CRISP2: variants seen among roughly 807,000 people sequenced by gnomAD.
CRISP2 encodes cysteine-rich secretory protein 2.
In CRISP2, 29 loss-of-function variants were observed where a neutral mutation model predicts 31.7. The ratio of observed to expected loss-of-function variants is 0.92; its 90% confidence interval spans 0.68 to 1.25. The LOEUF (loss-of-function observed/expected upper bound fraction) is 1.25. Among genes scored for constraint, CRISP2 ranks in the 50% most tolerant of loss-of-function variants. The probability of loss-of-function intolerance (pLI) is 0.00; values close to 1 mark genes in which losing one functional copy is unlikely to be tolerated. For missense variants in CRISP2, 318 were observed against 286.5 expected (o/e 1.11, Z -0.79); for synonymous variants, 111 against 101.4 (o/e 1.09, Z -0.57).
At chr6:49,705,359 C>T (rs1156618220) in intron 4 of CRISP2, among the ~76,000 whole-genome samples, 1 of 152,092 alleles carries the variant, frequency 6.6e-6, no homozygotes, top group East Asian at 1.9e-4. Context: ...CCCTGCTGTG[C>T]TCCCTCAATG....
chr6:49,700,582 C>A, intron 5 of CRISP2, 86 bp downstream of exon 5: 1 of 776,624 alleles, frequency 1.3e-6, no homozygotes. Context: ...TTGTAAACCA[C>A]AAAGTTCTTA....
At chr6:49,690,795 A>G (rs1163412710), downstream of CRISP2, among the ~76,000 whole-genome samples, 1 of 152,084 alleles carries the variant, frequency 6.6e-6, no homozygotes, top group African/African-American at 2.4e-5. Context: ...AGAATTTACT[A>G]TTATTATTGT....
chr6:49,680,157 C>G, the CRISP2 span, among the ~76,000 whole-genome samples: 1 of 152,156 alleles, frequency 6.6e-6, no homozygotes, highest in East Asian at 1.9e-4. Flanking sequence ...CCTGCATCCT[C>G]CACCCTCTGA....
chr6:49,706,217 T>G (rs1312582724), intron 4 of CRISP2, among the ~76,000 whole-genome samples: 1 of 152,238 alleles, frequency 6.6e-6, no homozygotes, highest in Non-Finnish European at 1.5e-5. Flanking sequence ...ATGATTCATC[T>G]TAAATTTTAT....
At position 49,697,925 on chromosome 6, in the gene CRISP2, A is replaced by G. The variant is rs1425804926; in HGVS notation, c.450T>C (p.Cys150=). ...LVWYSTYQVG[C]GIAYCPNQDS... The stretch of plus-strand genomic sequence containing the variant: ...CTTGATTGGGACAGTAGGCAATTCC[A>G]CAGCCTACCTGGTAAGTCGAGTACC... Residue 150 remains cysteine, a synonymous_variant, in exon 8 of 10, where the codon TGT becomes TGC. Transcript: ENST00000339139. The G allele has an allele frequency of 1.9e-6, 3 of 1,609,676 alleles. No homozygotes were observed. The highest frequency in any genetic ancestry group is 2.5e-6 in the Non-Finnish European group (3 of 1,178,096).
In CRISP2 at chr6:49,698,478, A is replaced by G; in HGVS notation, c.301T>C (p.Ser101Pro). The change falls in exon 7 of 10, where the codon TCA (serine) becomes CCA (proline). Residue 101 changes from serine (S) to proline (P), a missense_variant. Transcript: ENST00000339139. ...STRCGENLYM[S>P]SDPTSWSSAI... The stretch of plus-strand genomic sequence containing the variant: ...GAAGACCAGGAAGTAGGGTCACTTG[A>G]CATATAGAGATTCTCACCACATCTT... 6.2e-7 allele frequency: 1 copy of G among 1,611,964 alleles called. No individual in the cohort carries two copies. The highest frequency in any genetic ancestry group is 8.5e-7 in the Non-Finnish European group (1 of 1,179,238).
At chr6:49,677,804 A>G in the CRISP2 span, among the ~76,000 whole-genome samples, 3 of 152,174 alleles carry the variant, frequency 2.0e-5, no homozygotes, top group African/African-American at 7.2e-5. Context: ...GAAAGCCTGA[A>G]AGACAATTTT....
Position 49,698,408 on chromosome 6 carries a change from C to G in CRISP2, c.371G>C (p.Gly124Ala). ...WYDEILDFVY[G>A]VGPKSPNAVV... Reference sequence around the variant, plus strand: ...TGCATTGGGACTCTTTGGTCCTACACCATAGACAAAATCTAGGATCTCGTC... The same window carrying G: ...TGCATTGGGACTCTTTGGTCCTACAGCATAGACAAAATCTAGGATCTCGTC... The change falls in exon 7 of 10, where the codon GGT becomes GCT. Residue 124 changes from glycine to alanine, a missense_variant. By Grantham distance (60) the Gly-to-Ala change is moderately conservative. Coordinates refer to ENST00000339139, the MANE Select transcript of CRISP2 (RefSeq NM_003296.4). 6.2e-7 allele frequency: 1 copy of G among 1,613,490 alleles called. No homozygotes were observed. The highest frequency in any genetic ancestry group is 8.5e-7 in the Non-Finnish European group (1 of 1,179,636).
the CRISP2 span, among the ~76,000 whole-genome samples, chr6:49,686,183 T>C: frequency 6.6e-6 from 1 of 152,246 alleles, no homozygotes; most frequent in Non-Finnish European, 1.5e-5. Context: ...GATACGTCCA[T>C]ATCAGCTCAT....
At chr6:49,703,462 G>A (rs1766466095) in intron 4 of CRISP2, among the ~76,000 whole-genome samples, 1 of 152,056 alleles carries the variant, frequency 6.6e-6, no homozygotes, top group Non-Finnish European at 1.5e-5. Flanking sequence ...CATGGGATGT[G>A]TTTCCATTTG....
chr6:49,698,578 A>G, intron 6 of CRISP2, 71 bp from the exon 7 acceptor site: 1 of 1,500,778 alleles, frequency 6.7e-7, no homozygotes, highest in South Asian at 1.3e-5. Context: ...ACACAAACAC[A>G]AAGATGTTGC....
In CRISP2 at chr6:49,709,014, T is replaced by C. The variant is rs563147915; in HGVS notation, c.66+117A>G. On this transcript the variant is annotated intron_variant, in intron 4 of 9. Transcript: ENST00000339139. ...ATTGTGTTAAGTGCTCTGAGAACTC[T>C]GAACCAGTGGAAACTCTGACATACC... 6 of 825,910 alleles carry C rather than the reference T, an allele frequency of 7.3e-6. 1 individual carries two copies. The South Asian group carries it at 9.1e-5, about 13-fold the overall frequency. The allele number at this position is 825,910 out of a possible 1,614,324, so 51.2% of individuals were successfully genotyped here. A position where few individuals can be genotyped will look rare whatever the true frequency, so the allele number is the denominator to read the frequency against.
chr6:49,690,777 A>G (rs1354434390), downstream of CRISP2, among the ~76,000 whole-genome samples: 3 of 152,110 alleles, frequency 2.0e-5, no homozygotes, highest in Non-Finnish European at 2.9e-5. Context: ...ATAACTATAC[A>G]GTATCTAAGA....
the CRISP2 span, among the ~76,000 whole-genome samples, chr6:49,676,923 A>C: frequency 6.6e-6 from 1 of 152,130 alleles, no homozygotes; most frequent in Non-Finnish European, 1.5e-5. Flanking sequence ...CTAAAGAATA[A>C]ATTCAAAAGC....
intron 5 of CRISP2, 68 bp downstream of exon 5, chr6:49,700,600 C>A: frequency 1.1e-6 from 1 of 887,932 alleles, no homozygotes; most frequent in Non-Finnish European, 1.9e-6. Flanking sequence ...TTAAGAGATG[C>A]CAGTGGCCAG....
At chr6:49,677,657 C>G in the CRISP2 span, among the ~76,000 whole-genome samples, 8 of 152,180 alleles carry the variant, frequency 5.3e-5, no homozygotes, top group African/African-American at 1.9e-4. Context: ...TCCTTATTTC[C>G]TTATGTATCT....
chr6:49,697,193 T>C (rs957172336), intron 8 of CRISP2, among the ~76,000 whole-genome samples: 3 of 152,194 alleles, frequency 2.0e-5, no homozygotes, highest in Non-Finnish European at 4.4e-5. Flanking sequence ...ATCCATAGGA[T>C]TTATTGTGGA....
At chr6:49,683,939 A>G in the CRISP2 span, among the ~76,000 whole-genome samples, 1 of 151,736 alleles carries the variant, frequency 6.6e-6, no homozygotes, top group Non-Finnish European at 1.5e-5. Context: ...GCTATGAGCT[A>G]ATTTTAGTTT....
chr6:49,699,919 CT>C (rs1180092883), intron 5 of CRISP2, 28 bp from the exon 6 acceptor site: 1 of 1,587,340 alleles, frequency 6.3e-7, no homozygotes, highest in Admixed American at 1.7e-5. Flanking sequence ...ACAAAATACA[CT>C]TAATGATTCA....
Sources: gnomAD v4.1 joint callset for allele counts (sites outside exome capture counted in the v4.1 genomes callset) on GRCh38, gnomAD v4.1.1 for gene constraint, MANE v1.5 for transcripts, NCBI Gene and HGNC (gene_info 2026-07-23, HGNC 2026-07-21) for gene names.